PEX5: variants seen among roughly 807,000 people sequenced by gnomAD.
PEX5 encodes peroxisomal biogenesis factor 5.
PEX5 carries 52 observed loss-of-function variants against 82.9 expected under a neutral mutation model. The ratio of observed to expected loss-of-function variants is 0.63; its 90% CI spans 0.50 to 0.79. The LOEUF is 0.79. PEX5 is among the 30% of genes least tolerant of loss of function. The probability of loss-of-function intolerance (pLI) is 0.00; values close to 1 mark genes in which losing one functional copy is unlikely to be tolerated. For missense variants in PEX5, 719 were observed against 815.2 expected (o/e 0.88, Z 1.44); for synonymous variants, 300 against 318.8 (o/e 0.94, Z 0.63).
At chr12:7,218,105 G>A (rs1344257940) in intron 17 of PEX5, among the ~76,000 whole-genome samples, 1 of 152,170 alleles carries the variant, frequency 6.6e-6, no homozygotes, top group Non-Finnish European at 1.5e-5. Context: ...GGGAGATGGA[G>A]AGAGAAGAAA....
chr12:7,203,408 C>A lies in PEX5; in HGVS notation c.847-24C>A, dbSNP rs138589635. 21 of 1,604,954 alleles carry A rather than the reference C, an allele frequency of 1.3e-5. No homozygotes were observed. The African/African-American group carries it at 2.4e-4, about 18-fold the overall frequency. ...GGTGGTCATGATGGATCTCCTTTTT[C>A]TATCTGCTTTCCCTTCCTTACAGTC... On this transcript the variant is annotated intron_variant, in intron 9 of 15. Transcript: ENST00000675855.
chr12:7,198,860 C>A lies in PEX5; in HGVS notation c.449-151C>A, dbSNP rs1943209017. On this transcript the variant is annotated intron_variant, in intron 5 of 15. Coordinates refer to ENST00000675855, the MANE Select transcript of PEX5 (RefSeq NM_001351132.2). Reference sequence around the variant, plus strand: ...GATGTTGAAAATTTAGTACTATATTCTTTTGACCAGGGGTTTCTGAGGGAG... The same window carrying A: ...GATGTTGAAAATTTAGTACTATATTATTTTGACCAGGGGTTTCTGAGGGAG... 1.4e-5 allele frequency: 8 copies of A among 591,184 alleles called. 1 individual carries two copies. Among genetic ancestry groups the A allele is most frequent in the South Asian group, 1.3e-4 (8 of 61,036 alleles). 36.6% of individuals were successfully genotyped at this position (591,184 alleles called of 1,614,324 possible).
chr12:7,191,093 TC>T, intron 3 of PEX5, 132 bp from the exon 4 acceptor site: 1 of 1,198,826 alleles, frequency 8.3e-7, no homozygotes, highest in Non-Finnish European at 1.2e-6. Context: ...AAAGACAGTT[TC>T]TCTTTATGTG....
At chr12:7,202,478 A>C (rs1944215661) in intron 8 of PEX5, 127 bp downstream of exon 8, 3 of 1,412,734 alleles carry the variant, frequency 2.1e-6, no homozygotes, top group Admixed American at 1.9e-5. Context: ...CCAGGTCCCA[A>C]GTGGGTGGGA....
At chr12:7,200,735 C>A (rs918957815) in intron 6 of PEX5, among the ~76,000 whole-genome samples, 2 of 152,248 alleles carry the variant, frequency 1.3e-5, no homozygotes, top group South Asian at 4.2e-4. Context: ...CAAAAAAATA[C>A]GAAAACCAGT....
intron 17 of PEX5, among the ~76,000 whole-genome samples, chr12:7,217,016 C>G (rs1366730650): frequency 6.6e-6 from 1 of 152,098 alleles, no homozygotes; most frequent in Non-Finnish European, 1.5e-5. Flanking sequence ...TTAACCATGA[C>G]TTTATAATTC....
In PEX5 at chr12:7,191,327, G is replaced by T. The variant is rs764424782; in HGVS notation, c.285G>T (p.Glu95Asp). ...DDLLAEMQQI[E>D]QSNFRQAPQR... ...TCCTGGCTGAGATGCAGCAGATTGA[G>T]CAGTCAAACTTCCGCCAGGCTCCCC... is the stretch of plus-strand genomic sequence containing the variant. Residue 95 changes from glutamate to aspartate, a missense_variant, in exon 4 of 16, where the codon GAG becomes GAT. Glu to Asp is a conservative substitution (Grantham distance 45). Coordinates refer to ENST00000675855, the MANE Select transcript of PEX5 (RefSeq NM_001351132.2). 8 of 1,614,166 alleles carry T rather than the reference G, an allele frequency of 5.0e-6. No homozygotes were observed. The South Asian group carries it at 8.8e-5, about 18-fold the overall frequency.
intron 17 of PEX5, among the ~76,000 whole-genome samples, chr12:7,217,900 C>T (rs1235387110): frequency 6.6e-6 from 1 of 152,248 alleles, no homozygotes; most frequent in Non-Finnish European, 1.5e-5. Flanking sequence ...CCCTAAGTCC[C>T]TTCACAGTCA....
intron 10 of PEX5, among the ~76,000 whole-genome samples, chr12:7,204,601 A>G (rs149675181): frequency 9.3e-4 from 141 of 152,320 alleles, no homozygotes; most frequent in African/African-American, 3.2e-3. Flanking sequence ...TAATTTTGAT[A>G]AGGAAGAACT....
chr12:7,195,002 G>A (rs1021373270), intron 5 of PEX5, among the ~76,000 whole-genome samples: 2 of 152,196 alleles, frequency 1.3e-5, no homozygotes, highest in African/African-American at 2.4e-5. Context: ...ACTTAAGAAG[G>A]TTGAGTAACT....
intron 6 of PEX5, among the ~76,000 whole-genome samples, chr12:7,201,419 A>T (rs1169716956): frequency 1.3e-5 from 2 of 152,106 alleles, no homozygotes; most frequent in African/African-American, 2.4e-5. Context: ...ATATATATAT[A>T]TTTTTCAAGA....
Position 7,190,455 on chromosome 12 carries a change from G to C in PEX5, c.78G>C (p.Gln26His), listed in dbSNP as rs1940818656. ...PLMKLAGHFTQDKALRQEGLR... is the reference protein window; with the variant it reads ...PLMKLAGHFTHDKALRQEGLR... ...TGAAGCTCGCCGGGCACTTCACCCA[G>C]GACAAGGCCCTTCGGCAGGAGGGAT... Residue 26 changes from glutamine (Q) to histidine (H), a missense_variant, in exon 2 of 16, where the codon CAG becomes CAC. Gln to His is a conservative substitution (Grantham distance 24). Coordinates refer to ENST00000675855, the MANE Select transcript of PEX5 (RefSeq NM_001351132.2). 1 of 1,614,080 alleles carries C rather than the reference G, an allele frequency of 6.2e-7. No homozygotes were observed. The highest frequency in any genetic ancestry group is 8.5e-7 in the Non-Finnish European group (1 of 1,180,042).
intron 6 of PEX5, among the ~76,000 whole-genome samples, chr12:7,201,506 A>C (rs1230540333): frequency 6.6e-6 from 1 of 152,116 alleles, no homozygotes; most frequent in Non-Finnish European, 1.5e-5. Flanking sequence ...CTTAATTTTG[A>C]GCCTGCTACT....
At chr12:7,202,843 G>A in intron 9 of PEX5, 139 bp downstream of exon 9, 1 of 740,728 alleles carries the variant, frequency 1.4e-6, no homozygotes, top group Admixed American at 2.0e-5. Context: ...CTTGGGGATG[G>A]GGTGGGTGCT....
At chr12:7,202,210 C>A (rs753712766) in intron 7 of PEX5, 31 bp from the exon 8 acceptor site, 10 of 1,613,788 alleles carry the variant, frequency 6.2e-6, no homozygotes, top group Non-Finnish European at 8.5e-6. Context: ...AGTCCTTTCC[C>A]AAGTGGCCTG....
chr12:7,211,971 T>TG (rs777195160), downstream of PEX5, among the ~76,000 whole-genome samples: 18,900 of 61,642 alleles, frequency 0.31, 1,578 homozygotes, highest in South Asian at 0.45. Flanking sequence ...TTTTTTTTGT[T>TG]TTTTTTTTTT....
At chr12:7,207,558 T>G (rs754098792) in intron 10 of PEX5, 101 bp from the exon 11 acceptor site, 36 of 1,135,580 alleles carry the variant, frequency 3.2e-5, no homozygotes, top group African/African-American at 7.6e-5. Context: ...GGAACCTGTT[T>G]GGAGGCCCTC....
chr12:7,193,345 C>T (rs775295872), intron 5 of PEX5, among the ~76,000 whole-genome samples: 5 of 151,496 alleles, frequency 3.3e-5, no homozygotes, highest in East Asian at 1.9e-4. Flanking sequence ...GGGATTCTCC[C>T]GTTTCAGCCT....
intron 5 of PEX5, among the ~76,000 whole-genome samples, chr12:7,196,476 TAC>T (rs1491277013): frequency 7.5e-6 from 1 of 133,442 alleles, no homozygotes; most frequent in Non-Finnish European, 1.6e-5. Flanking sequence ...ATGTAATAAT[TAC>T]ATCATATATA....
Sources: allele counts gnomAD v4.1 joint callset (sites outside exome capture counted in the v4.1 genomes callset), GRCh38; gene constraint gnomAD v4.1.1; transcripts MANE v1.5; gene names NCBI Gene and HGNC (gene_info 2026-07-23, HGNC 2026-07-21).